PRL: variants seen among roughly 807,000 people sequenced by gnomAD.
PRL encodes decidual prolactin.
In PRL, 24 loss-of-function variants were observed where a neutral mutation model predicts 21.3. The ratio of observed to expected loss-of-function variants is 1.13; its 90% CI spans 0.82 to 1.59. PRL has a LOEUF of 1.59. Among genes scored for constraint, PRL ranks in the 40% most tolerant of loss-of-function variants. The probability of loss-of-function intolerance (pLI) is 0.00; values close to 1 mark genes in which losing one functional copy is unlikely to be tolerated. For synonymous variants in PRL, 118 were observed against 115.7 expected (o/e 1.02, Z -0.13); for missense variants, 243 against 286.9 (o/e 0.85, Z 1.10).
intron 2 of PRL, among the ~76,000 whole-genome samples, chr6:22,294,123 C>T (rs1194747142): frequency 6.6e-6 from 1 of 152,044 alleles, no homozygotes; most frequent in Non-Finnish European, 1.5e-5. Flanking sequence ...TCTCCTCAGC[C>T]CCACCTAAAC....
In PRL at chr6:22,294,510, C is replaced by T. The variant is rs1561755997; in HGVS notation, c.103G>A (p.Gly35Arg). ...AGGGTCACCTGGCATCGGGCAGCCC[C>T]GCCGGGACAGATGGGCAAGGGGGCC... Reference protein sequence around the residue: ...SVAPLPICPGGAARCQVTLRD... With the variant: ...SVAPLPICPGRAARCQVTLRD... The change falls in exon 2 of 5, where the codon GGG (glycine) becomes AGG (arginine). Residue 35 changes from glycine (G) to arginine (R), a missense_variant. Physicochemically the swap from Gly to Arg is moderately radical, Grantham distance 125. Transcript: ENST00000306482. 4 of 1,613,998 alleles carry T rather than the reference C, an allele frequency of 2.5e-6. No homozygotes were observed. Among genetic ancestry groups the T allele is most frequent in the African/African-American group, 1.3e-5 (1 of 74,922 alleles).
chr6:22,289,694 G>A (rs948477761), intron 4 of PRL, among the ~76,000 whole-genome samples: 1 of 152,148 alleles, frequency 6.6e-6, no homozygotes, highest in Non-Finnish European at 1.5e-5. Flanking sequence ...GTTAATATCT[G>A]CTCCTCCCTG....
At chr6:22,294,654 C>A in intron 1 of PRL, 70 bp from the exon 2 acceptor site, 2 of 1,452,754 alleles carry the variant, frequency 1.4e-6, no homozygotes, top group South Asian at 1.4e-5. Context: ...GTAATCCTGC[C>A]GAGGAAAGCC....
At chr6:22,299,774 G>A (rs1195458504), upstream of PRL, among the ~76,000 whole-genome samples, 2 of 152,174 alleles carry the variant, frequency 1.3e-5, no homozygotes, top group African/African-American at 4.8e-5. Flanking sequence ...AGGAGGCAGA[G>A]GTTGCAGTGA....
chr6:22,292,499 C>G (rs1761070395), intron 3 of PRL, 39 bp downstream of exon 3: 9 of 1,573,240 alleles, frequency 5.7e-6, no homozygotes, highest in Non-Finnish European at 7.9e-6. Context: ...CATATACTGC[C>G]TTGGTTGTTT....
chr6:22,287,738 C>A (rs1264493617), intron 4 of PRL, 145 bp from the exon 5 acceptor site: 2 of 721,002 alleles, frequency 2.8e-6, no homozygotes, highest in East Asian at 2.8e-5. Flanking sequence ...TATATCTGGG[C>A]CAGTGTATCA....
intron 4 of PRL, among the ~76,000 whole-genome samples, chr6:22,289,797 G>C (rs1442083244): frequency 2.0e-5 from 3 of 152,108 alleles, no homozygotes; most frequent in African/African-American, 7.2e-5. Context: ...CTCATCCTCT[G>C]GCGAGGGGAG....
intron 2 of PRL, among the ~76,000 whole-genome samples, chr6:22,293,681 A>G (rs1341488276): frequency 5.3e-4 from 64 of 121,392 alleles, no homozygotes; most frequent in Middle Eastern, 4.1e-3. Context: ...GAGGGAAGGA[A>G]GGAAAAAAGG....
rs1172984394 is a variant in PRL, at chr6:22,290,233, C to T, written c.433G>A (p.Val145Ile). Residue 145 changes from valine to isoleucine, a missense_variant, in exon 4 of 5, where the codon GTA becomes ATA. By Grantham distance (29) the Val-to-Ile change is conservative. Transcript: ENST00000306482. ...EAPEAILSKA[V>I]EIEEQTKRLL... ...CGTTTGGTTTGCTCCTCAATCTCTA[C>T]AGCTTTGGATAGGATAGCCTCCGGG... 4.3e-6 allele frequency: 7 copies of T among 1,611,822 alleles called. No homozygotes were observed. Among genetic ancestry groups the T allele is most frequent in the Non-Finnish European group, 5.1e-6 (6 of 1,178,386 alleles).
At chr6:22,290,152 G>A in intron 4 of PRL, 22 bp downstream of exon 4, 1 of 1,511,744 alleles carries the variant, frequency 6.6e-7, no homozygotes, top group South Asian at 1.3e-5. Context: ...GAAAAACAAA[G>A]AAGCACCAGG....
At chr6:22,293,622 GGAGGGAAGGAAGGAAGGAAGGAA>G (rs1761102662) in intron 2 of PRL, among the ~76,000 whole-genome samples, 1 of 59,078 alleles carries the variant, frequency 1.7e-5, no homozygotes, top group African/African-American at 6.2e-5. Flanking sequence ...GAGGAGGGAA[GGAGGGAAGGAAGGAAGGAAGGAA>G]GGAAGGAAGG....
In PRL at chr6:22,290,155, G is replaced by T. The variant is rs374382117; in HGVS notation, c.492+19C>A. On this transcript the variant is annotated intron_variant, in intron 4 of 4. Transcript: ENST00000306482. ...TTATATTAATGAGAAAAACAAAGAA[G>T]CACCAGGAGGCTGCTCACCTGGCTG... The T allele has an allele frequency of 1.3e-6, 2 of 1,522,026 alleles. No individual in the cohort carries two copies. Among genetic ancestry groups the T allele is most frequent in the African/African-American group, 1.4e-5 (1 of 72,376 alleles). 94.3% of individuals were successfully genotyped at this position (1,522,026 alleles called of 1,614,324 possible).
chr6:22,298,376 C>A (rs894133254), upstream of PRL, among the ~76,000 whole-genome samples: 5 of 152,144 alleles, frequency 3.3e-5, no homozygotes, highest in Non-Finnish European at 5.9e-5. Flanking sequence ...TCTAAAGCAG[C>A]CTGTGACCTT....
At chr6:22,293,150 A>G (rs1434649901) in intron 2 of PRL, among the ~76,000 whole-genome samples, 1 of 152,178 alleles carries the variant, frequency 6.6e-6, no homozygotes, top group Non-Finnish European at 1.5e-5. Flanking sequence ...GAGTCCACAC[A>G]CCTATACCTT....
rs1019269066 is a variant in PRL at position 22,296,966 on chromosome 6, G to A, written c.17C>T (p.Ser6Leu). Residue 6 changes from serine to leucine, a missense_variant, in exon 1 of 5, where the codon TCG becomes TTG. Coordinates refer to ENST00000306482, the MANE Select transcript of PRL (RefSeq NM_000948.6). ...GTTGTCACACATACCTTTCCATGGC[G>A]ATCCTTTGATGTTCATGTTCGTGAT... is the stretch of plus-strand genomic sequence containing the variant. MNIKG[S>L]PWKGSLLLLL... is the part of the protein sequence containing the mutation. 1.1e-5 allele frequency: 17 copies of A among 1,613,836 alleles called. No individual in the cohort carries two copies. Among genetic ancestry groups the A allele is most frequent in the South Asian group, 2.2e-5 (2 of 91,042 alleles).
chr6:22,299,206 A>G (rs1761237553), upstream of PRL, among the ~76,000 whole-genome samples: 1 of 152,308 alleles, frequency 6.6e-6, no homozygotes, highest in African/African-American at 2.4e-5. Flanking sequence ...AAGTTCAGTA[A>G]GAATAGGGTT....
intron 2 of PRL, among the ~76,000 whole-genome samples, chr6:22,293,684 A>G (rs1761110764): frequency 7.1e-6 from 1 of 141,842 alleles, no homozygotes. Flanking sequence ...GGAAGGAAGG[A>G]AAAAAGGAAG....
chr6:22,300,501 T>C (rs1316769878), upstream of PRL, among the ~76,000 whole-genome samples: 2 of 152,246 alleles, frequency 1.3e-5, no homozygotes, highest in Non-Finnish European at 2.9e-5. Context: ...AAATACTGCC[T>C]GCCCACTTTG....
chr6:22,290,710 C>T (rs986521864), intron 3 of PRL, among the ~76,000 whole-genome samples: 4 of 152,006 alleles, frequency 2.6e-5, no homozygotes, highest in South Asian at 2.1e-4. Flanking sequence ...AAAGTTTTGC[C>T]GAAACTCAGT....
Sources: allele counts gnomAD v4.1 joint callset (sites outside exome capture counted in the v4.1 genomes callset), GRCh38; gene constraint gnomAD v4.1.1; transcripts MANE v1.5; gene names NCBI Gene and HGNC (gene_info 2026-07-23, HGNC 2026-07-21).